The following ANKS1B variants were observed in gnomAD, a reference collection of about 807,000 sequenced individuals.
The protein encoded by ANKS1B is ankyrin repeat and sterile alpha motif domain containing 1B, also known as ankyrin repeat and sterile alpha motif domain-containing protein 1B.
ANKS1B carries 36 observed loss-of-function variants against 148.3 expected under a neutral mutation model. The observed-to-expected ratio is 0.24, with a 90% CI of 0.19 to 0.32. The LOEUF (loss-of-function observed/expected upper bound fraction) is 0.32, where lower values mean the gene tolerates loss of function less well. Among genes scored for constraint, ANKS1B ranks in the 10% least tolerant of loss-of-function variants. The pLI, the probability that ANKS1B is intolerant of heterozygous loss-of-function variation, is 1.00. For synonymous variants in ANKS1B, 542 were observed against 560.8 expected (o/e 0.97, Z 0.47); for missense variants, 1,157 against 1,542.6 (o/e 0.75, Z 4.19).
intron 12 of ANKS1B, among the ~76,000 whole-genome samples, chr12:99,307,392 A>G (rs532699927): frequency 2.6e-5 from 4 of 152,206 alleles, no homozygotes; most frequent in African/African-American, 7.2e-5. Flanking sequence ...AAGGGTGAAT[A>G]ATCTGGAGTC....
At chr12:99,141,283 ACTT>A (rs984858958) in intron 15 of ANKS1B, among the ~76,000 whole-genome samples, 11 of 151,930 alleles carry the variant, frequency 7.2e-5, no homozygotes, top group South Asian at 2.1e-4. Flanking sequence ...GTTGTCTACT[ACTT>A]CTTCTATCCA....
chr12:99,772,647 A>G (rs1223380025), intron 8 of ANKS1B: 2 of 244,854 alleles, frequency 8.2e-6, no homozygotes, highest in Non-Finnish European at 1.6e-5. Flanking sequence ...AACTAAAGGA[A>G]CACAACAACA....
intron 15 of ANKS1B, among the ~76,000 whole-genome samples, chr12:99,127,214 G>C (rs1407477029): frequency 6.6e-6 from 1 of 152,148 alleles, no homozygotes. Flanking sequence ...GGTGGGAAAA[G>C]TTTCATGTAG....
At chr12:99,346,818 C>G (rs555142504) in intron 12 of ANKS1B, among the ~76,000 whole-genome samples, 74 of 152,088 alleles carry the variant, frequency 4.9e-4, no homozygotes, top group African/African-American at 1.6e-3. Flanking sequence ...TCCTCCTGCT[C>G]TGGCCCTGTA....
At chr12:99,757,572 G>A (rs2061686193) in intron 8 of ANKS1B, among the ~76,000 whole-genome samples, 1 of 152,006 alleles carries the variant, frequency 6.6e-6, no homozygotes, top group Non-Finnish European at 1.5e-5. Context: ...ATTCAACACA[G>A]CAATCCCATT....
intron 20 of ANKS1B, among the ~76,000 whole-genome samples, chr12:98,805,914 C>A (rs1480875600): frequency 6.6e-6 from 1 of 152,200 alleles, no homozygotes; most frequent in African/African-American, 2.4e-5. Context: ...CTCTGTCACC[C>A]AGGCTGGAGT....
At chr12:98,845,196 T>C (rs1238518079) in intron 17 of ANKS1B, among the ~76,000 whole-genome samples, 1 of 152,208 alleles carries the variant, frequency 6.6e-6, no homozygotes, top group Non-Finnish European at 1.5e-5. Context: ...CTAACAAGGC[T>C]GGTAATTACC....
At chr12:99,868,513 GGAC>G (rs770491139) in intron 1 of ANKS1B, among the ~76,000 whole-genome samples, 3 of 151,846 alleles carry the variant, frequency 2.0e-5, no homozygotes, top group Non-Finnish European at 4.4e-5. Context: ...AAGACATGAA[GGAC>G]GACAAGAAAG....
intron 2 of ANKS1B, among the ~76,000 whole-genome samples, chr12:99,813,610 T>C (rs957033076): frequency 1.3e-5 from 2 of 151,568 alleles, no homozygotes; most frequent in African/African-American, 4.8e-5. Flanking sequence ...TTATGGTAAA[T>C]GGTAAAACAT....
At chr12:99,140,634 A>G (rs1485434474) in intron 15 of ANKS1B, among the ~76,000 whole-genome samples, 1 of 152,160 alleles carries the variant, frequency 6.6e-6, no homozygotes, top group African/African-American at 2.4e-5. Context: ...GCACACGGAA[A>G]ACAGATGTTC....
intron 17 of ANKS1B, among the ~76,000 whole-genome samples, chr12:98,843,727 AG>A (rs1455937607): frequency 6.6e-6 from 1 of 152,212 alleles, no homozygotes; most frequent in African/African-American, 2.4e-5. Flanking sequence ...GCAAGGGTAG[AG>A]GGCATATTGA....
intron 17 of ANKS1B, among the ~76,000 whole-genome samples, chr12:98,938,184 T>C (rs574116134): frequency 6.6e-6 from 1 of 152,326 alleles, no homozygotes; most frequent in Non-Finnish European, 1.5e-5. Flanking sequence ...TGATTAGCTA[T>C]GCAAATAGCA....
chr12:98,954,237 C>T (rs936580239), intron 17 of ANKS1B: 1 of 152,184 alleles, frequency 6.6e-6, no homozygotes, highest in African/African-American at 2.4e-5. Context: ...TTGAAATCTG[C>T]GAACCTGTTT....
intron 15 of ANKS1B, among the ~76,000 whole-genome samples, chr12:99,151,157 C>T (rs1394207540): frequency 6.6e-6 from 1 of 151,924 alleles, no homozygotes; most frequent in Non-Finnish European, 1.5e-5. Context: ...CTTTAAGATA[C>T]AGGGAAAAAA....
intron 17 of ANKS1B, among the ~76,000 whole-genome samples, chr12:98,850,096 C>G (rs111324561): frequency 6.6e-6 from 1 of 151,950 alleles, no homozygotes; most frequent in Non-Finnish European, 1.5e-5. Context: ...CCAAATAACA[C>G]AGAGACAGAC....
chr12:99,366,908 A>C (rs1055047856), intron 12 of ANKS1B, among the ~76,000 whole-genome samples: 5 of 152,164 alleles, frequency 3.3e-5, no homozygotes, highest in Admixed American at 6.5e-5. Flanking sequence ...ATCACAAACC[A>C]GATGAAAATA....
At chr12:99,877,099 C>T (rs190180178) in intron 1 of ANKS1B, among the ~76,000 whole-genome samples, 1,890 of 152,292 alleles carry the variant, frequency 0.012, 19 homozygotes, top group African/African-American at 0.027. Context: ...TTCACCCCCC[C>T]ACCCCAGTCC....
At chr12:99,937,708 A>G (rs1193343359) in intron 1 of ANKS1B, among the ~76,000 whole-genome samples, 1 of 152,174 alleles carries the variant, frequency 6.6e-6, no homozygotes, top group Non-Finnish European at 1.5e-5. Flanking sequence ...AAATACATGT[A>G]GAGCACTAGG....
chr12:99,638,587 TA>T (rs2098267974), intron 9 of ANKS1B, among the ~76,000 whole-genome samples: 1 of 152,062 alleles, frequency 6.6e-6, no homozygotes, highest in African/African-American at 2.4e-5. Context: ...AAAGAGAGCA[TA>T]AAAGTTTAGA....
Sources: allele counts gnomAD v4.1 joint callset (sites outside exome capture counted in the v4.1 genomes callset), GRCh38; gene constraint gnomAD v4.1.1; transcripts MANE v1.5; gene names NCBI Gene and HGNC (gene_info 2026-07-23, HGNC 2026-07-21).